The following UBR4 variants were observed in gnomAD, a reference collection of about 807,000 sequenced individuals.
The protein encoded by UBR4 is ubiquitin protein ligase E3 component n-recognin 4.
In UBR4, 124 loss-of-function variants were observed where a neutral mutation model predicts 575.6. The ratio of observed to expected loss-of-function variants is 0.22; its 90% CI spans 0.19 to 0.25. The LOEUF is 0.25. UBR4 is among the 10% of genes least tolerant of loss of function. The pLI is 1.00. For synonymous variants in UBR4, 2,455 were observed against 2,473.7 expected (o/e 0.99, Z 0.22); for missense variants, 4,818 against 6,478.8 (o/e 0.74, Z 8.80).
intron 25 of UBR4, among the ~76,000 whole-genome samples, chr1:19,172,186 T>C (rs575439092): frequency 6.7e-6 from 1 of 148,234 alleles, no homozygotes; most frequent in East Asian, 1.9e-4. Flanking sequence ...CATTTAGAGA[T>C]TTTTTTTTTT....
rs764582774 is a variant in UBR4 at position 19,157,854 on chromosome 1, C to T, written c.5721G>A (p.Gly1907=). ...VAMCVLSSPH[G]RRQHLAVSHE... is the part of the protein sequence containing the mutation. Reference sequence around the variant, plus strand: ...GGCTGACAGCCAAATGTTGGCGGCGCCCATGGGGAGAGGAGAGCACACACA... The same window carrying T: ...GGCTGACAGCCAAATGTTGGCGGCGTCCATGGGGAGAGGAGAGCACACACA... Residue 1907 remains glycine (G), a synonymous_variant, in exon 40 of 106, where the codon GGG becomes GGA. Transcript: ENST00000375254. The surrounding 1 kb of genome is among the most constrained non-coding windows in gnomAD (Gnocchi z 4.4). 8.7e-6 allele frequency: 14 copies of T among 1,614,226 alleles called. 1 individual carries two copies. In the Admixed American group the frequency reaches 2.3e-4, roughly 27 times the overall value.
At chr1:19,086,040 A>T in intron 101 of UBR4, 105 bp downstream of exon 101, 1 of 1,461,316 alleles carries the variant, frequency 6.8e-7, no homozygotes, top group Non-Finnish European at 9.2e-7. Flanking sequence ...ATTCCCAAGG[A>T]AGGTAACAGG....
intron 17 of UBR4, among the ~76,000 whole-genome samples, chr1:19,181,153 T>C (rs939112285): frequency 6.6e-6 from 1 of 152,056 alleles, no homozygotes; most frequent in Non-Finnish European, 1.5e-5. Context: ...ACTGAGGTGG[T>C]AAGATCACTT....
rs1395692601 is a variant in UBR4, at chr1:19,117,607, C to T, written c.10630-193G>A. Among the ~76,000 whole-genome samples, 1 of 152,180 alleles carries T rather than the reference C, an allele frequency of 6.6e-6. No homozygotes were observed. Among genetic ancestry groups the T allele is most frequent in the Non-Finnish European group, 1.5e-5 (1 of 68,042 alleles). ...AAACCCCTGGGCTCAGGGGATCCTC[C>T]CATCTTAGCCTCCCAAAGTACTGGG... On this transcript the variant is annotated intron_variant, in intron 72 of 105. Coordinates refer to ENST00000375254, the MANE Select transcript of UBR4 (RefSeq NM_020765.3). This position sits in a 1 kb window ranked among gnomAD's most constrained non-coding sequence, Gnocchi z 4.0.
At chr1:19,136,648 T>C (rs541106837) in intron 60 of UBR4, among the ~76,000 whole-genome samples, 69 of 152,282 alleles carry the variant, frequency 4.5e-4, no homozygotes, top group Admixed American at 1.2e-3. Flanking sequence ...CCAAATCTGT[T>C]AGCAATCAAC....
Position 19,119,583 on chromosome 1 carries a change from G to C in UBR4, c.10429C>G (p.Leu3477Val), listed in dbSNP as rs1456164631. 1 of 1,613,682 alleles carries C rather than the reference G, an allele frequency of 6.2e-7. No homozygotes were observed. Among genetic ancestry groups the C allele is most frequent in the Admixed American group, 1.7e-5 (1 of 60,016 alleles). Residue 3477 changes from leucine to valine, a missense_variant, in exon 70 of 106, where the codon CTG (leucine) becomes GTG (valine). Coordinates refer to ENST00000375254, the MANE Select transcript of UBR4 (RefSeq NM_020765.3). ...TTCTTCTCTGTTTGTGGAGTTTTCAGGGAGAAATATCCTAGTAGGTCCACA... is the reference window on the plus strand; with the variant it reads ...TTCTTCTCTGTTTGTGGAGTTTTCACGGAGAAATATCCTAGTAGGTCCACA... ...QFVDLLGYFS[L>V]KTPQTEKKLK...
chr1:19,165,475 T>C, intron 30 of UBR4, 126 bp from the exon 31 acceptor site: 1 of 1,047,598 alleles, frequency 9.5e-7, no homozygotes, highest in Non-Finnish European at 1.4e-6. Context: ...GCACAAGGTG[T>C]TCATGAAATT....
Position 19,146,865 on chromosome 1 carries a change from C to G in UBR4, c.7765G>C (p.Val2589Leu). Reference protein sequence around the residue: ...SIAIMRPNNLVHFTESKLPQM... With the variant: ...SIAIMRPNNLLHFTESKLPQM... ...GGCAGCTTTGACTCCGTAAAGTGGA[C>G]AAGGTTGTTGGGGCGCATGATGGCA... The change falls in exon 52 of 106, where the codon GTC becomes CTC. Residue 2589 changes from valine to leucine, a missense_variant. This residue lies in a region of UBR4 where 340 missense variants were observed against 375.4 expected (regional missense o/e 0.91). Coordinates refer to ENST00000375254, the MANE Select transcript of UBR4 (RefSeq NM_020765.3). 6.2e-7 allele frequency: 1 copy of G among 1,614,030 alleles called. No homozygotes were observed. Among genetic ancestry groups the G allele is most frequent in the South Asian group, 1.1e-5 (1 of 91,064 alleles).
chr1:19,096,685 G>A (rs750540358), intron 91 of UBR4, 35 bp from the exon 92 acceptor site: 1 of 1,611,438 alleles, frequency 6.2e-7, no homozygotes, highest in Admixed American at 1.7e-5. Context: ...GAAATGGAGG[G>A]TAAGGTGAAG....
chr1:19,106,066 A>T (rs1227474831), intron 83 of UBR4, among the ~76,000 whole-genome samples: 2 of 152,238 alleles, frequency 1.3e-5, no homozygotes, highest in Non-Finnish European at 2.9e-5. Context: ...CTTCTCCATC[A>T]GGAGATGTGA....
intron 27 of UBR4, among the ~76,000 whole-genome samples, 192 bp downstream of exon 27, chr1:19,169,243 C>G (rs1050201277): frequency 2.6e-5 from 4 of 152,156 alleles, no homozygotes; most frequent in African/African-American, 9.7e-5. Context: ...ACACAAACTT[C>G]TAAGCAAAAA....
At chr1:19,163,027 T>A (rs2087651647) in intron 34 of UBR4, among the ~76,000 whole-genome samples, 1 of 152,212 alleles carries the variant, frequency 6.6e-6, no homozygotes, top group Admixed American at 6.5e-5. Flanking sequence ...GGCTTTAAAG[T>A]AATGCAGGAG....
rs115663657 is a variant in UBR4 at position 19,204,585 on chromosome 1, A to T, written c.177-2770T>A. Among the ~76,000 whole-genome samples, 1,082 of 152,102 alleles carry T rather than the reference A, an allele frequency of 7.1e-3. 21 individuals carry two copies. Among genetic ancestry groups the T allele is most frequent in the African/African-American group, 0.025 (1,045 of 41,504 alleles). On this transcript the variant is annotated intron_variant, in intron 1 of 105. Coordinates refer to ENST00000375254, the MANE Select transcript of UBR4 (RefSeq NM_020765.3). Reference sequence around the variant, plus strand: ...TCATTTAATTGCCTGGTTCAGTGTCATCCTATTGTGATCTAATGAACCCAA... The same window carrying T: ...TCATTTAATTGCCTGGTTCAGTGTCTTCCTATTGTGATCTAATGAACCCAA...
chr1:19,112,982 C>A lies in UBR4; in HGVS notation c.11458-115G>T, dbSNP rs917658102. On this transcript the variant is annotated intron_variant, in intron 77 of 105. Transcript: ENST00000375254. ...CTTTACATGCATTATATAACTTAAT[C>A]TTCTCAATAACCCAACTGGTTAGAT... 10 of 1,078,412 alleles carry A rather than the reference C, an allele frequency of 9.3e-6. No homozygotes were observed. The African/African-American group carries it at 1.6e-4, about 17-fold the overall frequency. The allele number at this position is 1,078,412 out of a possible 1,614,324, so 66.8% of individuals were successfully genotyped here. A position where few individuals can be genotyped will look rare whatever the true frequency, so the allele number is the denominator to read the frequency against.
intron 84 of UBR4, 38 bp downstream of exon 84, chr1:19,105,695 A>T: frequency 6.7e-7 from 1 of 1,484,814 alleles, no homozygotes; most frequent in Non-Finnish European, 9.0e-7. Flanking sequence ...CTCTAGAGCA[A>T]GTCTAACCAC....
Position 19,093,803 on chromosome 1 carries a change from T to C in UBR4, c.13937+146A>G. ...AATACAGTATATTTTAACTATTCAC[T>C]TCCCAACTAGACTGAGCTCCTTAAA... is the stretch of plus-strand genomic sequence containing the variant. On this transcript the variant is annotated intron_variant, in intron 95 of 105. Coordinates refer to ENST00000375254, the MANE Select transcript of UBR4 (RefSeq NM_020765.3). The surrounding 1 kb of genome is among the most constrained non-coding windows in gnomAD (Gnocchi z 4.8). 1.0e-6 allele frequency: 1 copy of C among 969,800 alleles called. No individual in the cohort carries two copies. Among genetic ancestry groups the C allele is most frequent in the South Asian group, 1.8e-5 (1 of 56,854 alleles). 60.1% of individuals were successfully genotyped at this position (969,800 alleles called of 1,614,324 possible).
intron 74 of UBR4, 125 bp from the exon 75 acceptor site, chr1:19,115,074 C>A: frequency 2.2e-6 from 3 of 1,375,480 alleles, no homozygotes; most frequent in Non-Finnish European, 3.0e-6. Context: ...ACTGAAGGGA[C>A]AATAACAAAT....
intron 60 of UBR4, among the ~76,000 whole-genome samples, chr1:19,137,266 C>A (rs78409066): frequency 0.01 from 1,551 of 151,206 alleles, 25 homozygotes; most frequent in African/African-American, 0.036. Context: ...CACCACTGCA[C>A]TCCAGCCAGG....
chr1:19,129,177 G>A (rs1313066863), intron 60 of UBR4, 103 bp from the exon 61 acceptor site: 3 of 898,526 alleles, frequency 3.3e-6, no homozygotes, highest in Non-Finnish European at 5.2e-6. Context: ...AGGTCAACAA[G>A]AAGCCTAATG....
Sources: gnomAD v4.1 joint callset for allele counts (sites outside exome capture counted in the v4.1 genomes callset) on GRCh38, gnomAD v4.1.1 for gene constraint, gnomAD v4.1.1 regional missense constraint, Gnocchi (gnomAD v3.1) non-coding constraint, MANE v1.5 for transcripts, NCBI Gene and HGNC (gene_info 2026-07-23, HGNC 2026-07-21) for gene names.